The following OXR1 variants were observed in gnomAD, a reference collection of about 807,000 sequenced individuals.
OXR1 encodes the protein oxidation resistance protein 1.
A neutral mutation model predicts 104.6 loss-of-function variants in OXR1; 41 were observed. The observed-to-expected ratio is 0.39, with a 90% confidence interval of 0.31 to 0.51. The LOEUF (loss-of-function observed/expected upper bound fraction) is 0.51. Ranked by LOEUF, OXR1 falls within the 20% of genes least tolerant of loss-of-function variation. The probability of loss-of-function intolerance (pLI) is 0.77; values close to 1 mark genes in which losing one functional copy is unlikely to be tolerated. For missense variants in OXR1, 955 were observed against 1,031.9 expected (o/e 0.93, Z 1.02); for synonymous variants, 348 against 348.4 (o/e 1.00, Z 0.01).
chr8:106,289,911 A>G (rs1435963310), intron 1 of OXR1, among the ~76,000 whole-genome samples: 1 of 152,036 alleles, frequency 6.6e-6, no homozygotes, highest in Non-Finnish European at 1.5e-5. Context: ...TTTATAAGGG[A>G]CTTTCCCCTT....
At chr8:106,597,448 GAT>G (rs1819619922) in intron 3 of OXR1, among the ~76,000 whole-genome samples, 1 of 152,122 alleles carries the variant, frequency 6.6e-6, no homozygotes, top group South Asian at 2.1e-4. Context: ...ATCATTTTAT[GAT>G]ATTTTTGTTA....
intron 1 of OXR1, among the ~76,000 whole-genome samples, chr8:106,300,409 G>T (rs1813180877): frequency 6.6e-6 from 1 of 151,884 alleles, no homozygotes. Context: ...TGGATAGAGT[G>T]ACCTAGCTCC....
chr8:106,537,261 C>G (rs948623130), intron 3 of OXR1, among the ~76,000 whole-genome samples: 2 of 152,074 alleles, frequency 1.3e-5, no homozygotes, highest in Non-Finnish European at 2.9e-5. Context: ...TCCATAGCAG[C>G]AATGCATTAG....
intron 1 of OXR1, among the ~76,000 whole-genome samples, chr8:106,304,804 A>G (rs1164202291): frequency 1.3e-5 from 2 of 151,408 alleles, no homozygotes; most frequent in Non-Finnish European, 3.0e-5. Flanking sequence ...GATGGAACAT[A>G]TATTGGCAGG....
At chr8:106,723,067 T>A (rs1268613338) in intron 11 of OXR1, among the ~76,000 whole-genome samples, 1 of 152,114 alleles carries the variant, frequency 6.6e-6, no homozygotes, top group African/African-American at 2.4e-5. Flanking sequence ...TTAAAAATCT[T>A]TATCTAGGCC....
chr8:106,459,959 A>G (rs1056520316), intron 2 of OXR1, among the ~76,000 whole-genome samples: 22 of 152,230 alleles, frequency 1.4e-4, no homozygotes, highest in African/African-American at 4.6e-4. Flanking sequence ...TCCTCTGGCT[A>G]TAGAGTTGAC....
intron 12 of OXR1, among the ~76,000 whole-genome samples, chr8:106,739,250 C>T (rs572956207): frequency 2.0e-5 from 3 of 152,142 alleles, no homozygotes; most frequent in East Asian, 3.9e-4. Context: ...GATGAGAAAA[C>T]GTCTGCTTAT....
chr8:106,503,146 A>G (rs1456976470), intron 2 of OXR1, among the ~76,000 whole-genome samples: 1 of 152,144 alleles, frequency 6.6e-6, no homozygotes, highest in Non-Finnish European at 1.5e-5. Context: ...AAATATAAAT[A>G]AATAAAAATT....
intron 2 of OXR1, among the ~76,000 whole-genome samples, chr8:106,444,553 T>A (rs1563526933): frequency 6.6e-6 from 1 of 152,162 alleles, no homozygotes; most frequent in Non-Finnish European, 1.5e-5. Context: ...TGGATGAAGC[T>A]GGAAGCCATC....
intron 3 of OXR1, among the ~76,000 whole-genome samples, chr8:106,577,463 C>G (rs1293412369): frequency 1.4e-5 from 2 of 140,990 alleles, no homozygotes; most frequent in Non-Finnish European, 1.5e-5. Flanking sequence ...CATCTCGGCT[C>G]ACTGCAAACT....
chr8:106,703,588 C>G (rs780840926), intron 8 of OXR1, among the ~76,000 whole-genome samples: 1 of 151,396 alleles, frequency 6.6e-6, no homozygotes, highest in African/African-American at 2.4e-5. Flanking sequence ...GTGTAAAGTA[C>G]AGGGAAGAAA....
At chr8:106,610,178 C>T (rs1386203581) in intron 3 of OXR1, among the ~76,000 whole-genome samples, 2 of 150,944 alleles carry the variant, frequency 1.3e-5, no homozygotes, top group Non-Finnish European at 2.9e-5. Context: ...TAGATTCTTT[C>T]CTCTCCCTCC....
At chr8:106,575,985 A>AACACACACACAC (rs35038334) in intron 3 of OXR1, among the ~76,000 whole-genome samples, 2,962 of 144,336 alleles carry the variant, frequency 0.021, 50 homozygotes, top group Non-Finnish European at 0.032. Flanking sequence ...AAATGTTTAT[A>AACACACACACAC]ACACACACAC....
chr8:106,404,629 G>A (rs1459549623), intron 2 of OXR1, among the ~76,000 whole-genome samples: 1 of 151,840 alleles, frequency 6.6e-6, no homozygotes, highest in Non-Finnish European at 1.5e-5. Context: ...AGAAACATTA[G>A]GAGTGAACAG....
chr8:106,479,869 T>G (rs1822011187), intron 2 of OXR1, among the ~76,000 whole-genome samples: 1 of 151,798 alleles, frequency 6.6e-6, no homozygotes, highest in South Asian at 2.1e-4. Flanking sequence ...GATTATAGAG[T>G]TTTTACTTTG....
At chr8:106,360,673 A>C (rs1816205296) in intron 2 of OXR1, among the ~76,000 whole-genome samples, 1 of 152,152 alleles carries the variant, frequency 6.6e-6, no homozygotes, top group African/African-American at 2.4e-5. Context: ...AGTATAATCA[A>C]ACAAATTTCA....
intron 1 of OXR1, among the ~76,000 whole-genome samples, chr8:106,284,484 T>G (rs1433215625): frequency 2.0e-5 from 3 of 152,066 alleles, no homozygotes; most frequent in Non-Finnish European, 4.4e-5. Flanking sequence ...CAACCATCCT[T>G]TATTGGCACA....
intron 3 of OXR1, among the ~76,000 whole-genome samples, chr8:106,616,737 C>A (rs1207208489): frequency 6.6e-6 from 1 of 152,160 alleles, no homozygotes; most frequent in East Asian, 1.9e-4. Context: ...CCATGAACTC[C>A]ATTTTCTTCG....
intron 3 of OXR1, among the ~76,000 whole-genome samples, chr8:106,545,069 A>G (rs543678285): frequency 2.0e-5 from 3 of 152,272 alleles, no homozygotes; most frequent in African/African-American, 4.8e-5. Flanking sequence ...GCTGTTTAAC[A>G]GTATCCCTGG....
Sources: gnomAD v4.1 joint callset for allele counts (sites outside exome capture counted in the v4.1 genomes callset) on GRCh38, gnomAD v4.1.1 for gene constraint, MANE v1.5 for transcripts, NCBI Gene and HGNC (gene_info 2026-07-23, HGNC 2026-07-21) for gene names.